COL13A1: variants seen among roughly 807,000 people sequenced by gnomAD.
COL13A1 encodes collagen type XIII alpha 1 chain, also known as collagen alpha-1(XIII) chain.
COL13A1 carries 89 observed loss-of-function variants against 130.9 expected under a neutral mutation model. That is an observed-to-expected ratio of 0.68 (90% CI 0.57 to 0.81). The LOEUF (loss-of-function observed/expected upper bound fraction) is 0.81, where lower values mean the gene tolerates loss of function less well. COL13A1 is among the 30% of genes least tolerant of loss of function. COL13A1 has a pLI of 0.00. For synonymous variants in COL13A1, 402 were observed against 341.6 expected, an observed-to-expected ratio of 1.18 and a Z score of -1.95; for missense variants, 879 against 934.6, an observed-to-expected ratio of 0.94 and a Z score of 0.78.
chr10:69,810,346 A>AAG (rs1564723791), intron 1 of COL13A1, among the ~76,000 whole-genome samples: 1,225 of 70,974 alleles, frequency 0.017, 17 homozygotes, highest in Admixed American at 0.064. Context: ...GGCCCTGAGA[A>AAG]TGAGAGAGAG....
chr10:69,920,882 C>T (rs557256531), intron 21 of COL13A1, among the ~76,000 whole-genome samples: 6 of 152,304 alleles, frequency 3.9e-5, no homozygotes, highest in Admixed American at 6.5e-5. Flanking sequence ...CCACCAGTCA[C>T]GTAACCTCTT....
At chr10:69,802,801 G>T in intron 1 of COL13A1, 84 bp downstream of exon 1, 1 of 1,548,580 alleles carries the variant, frequency 6.5e-7, no homozygotes, top group South Asian at 1.2e-5. Flanking sequence ...GGTGTCCGCG[G>T]GCGCTCGCTC....
Position 69,888,289 on chromosome 10 carries a change from C to T in COL13A1, c.550-15C>T, listed in dbSNP as rs753393306. ...TGTGATGCTCAGTCTTTACATCTGGCCTTTCTGGTTTCAGGGTCCCATTGG... is the reference window on the plus strand; with the variant it reads ...TGTGATGCTCAGTCTTTACATCTGGTCTTTCTGGTTTCAGGGTCCCATTGG... On this transcript the variant is annotated splice_polypyrimidine_tract_variant and intron_variant, in intron 8 of 40. Coordinates refer to ENST00000645393, the MANE Select transcript of COL13A1 (RefSeq NM_001368882.1). 1 of 1,612,726 alleles carries T rather than the reference C, an allele frequency of 6.2e-7. No homozygotes were observed. The highest frequency in any genetic ancestry group is 1.3e-5 in the African/African-American group (1 of 75,036).
At chr10:69,937,600 C>T in intron 33 of COL13A1, 35 bp from the exon 34 acceptor site, 1 of 975,306 alleles carries the variant, frequency 1.0e-6, no homozygotes, top group East Asian at 2.4e-5. Flanking sequence ...GGGACATGTC[C>T]TTGTGTGATC....
intron 17 of COL13A1, among the ~76,000 whole-genome samples, chr10:69,911,155 C>A (rs1589456755): frequency 6.6e-6 from 1 of 152,184 alleles, no homozygotes; most frequent in African/African-American, 2.4e-5. Context: ...CCCACCCACC[C>A]AGCCATCTCA....
intron 2 of COL13A1, among the ~76,000 whole-genome samples, chr10:69,828,981 G>A (rs1197599613): frequency 6.6e-6 from 1 of 152,106 alleles, no homozygotes; most frequent in East Asian, 1.9e-4. Context: ...GCCAGGGAGA[G>A]CCTTCCCACC....
intron 7 of COL13A1, among the ~76,000 whole-genome samples, chr10:69,883,634 A>G (rs931760379): frequency 1.3e-5 from 2 of 152,196 alleles, no homozygotes; most frequent in Non-Finnish European, 2.9e-5. Context: ...AGGAGGAGGA[A>G]CCAGCCTTGT....
chr10:69,922,687 A>G (rs2064836826), intron 22 of COL13A1, 21 bp from the exon 23 acceptor site: 1 of 1,585,066 alleles, frequency 6.3e-7, no homozygotes, highest in African/African-American at 1.3e-5. Flanking sequence ...CAGGGATGCT[A>G]ACTCCACCTT....
chr10:69,936,690 G>A (rs2066963716), intron 32 of COL13A1, 66 bp from the exon 33 acceptor site: 1 of 1,591,092 alleles, frequency 6.3e-7, no homozygotes, highest in African/African-American at 1.3e-5. Flanking sequence ...TGATCCATTT[G>A]TGGACTAGGC....
chr10:69,845,564 A>T (rs986340494), intron 2 of COL13A1, among the ~76,000 whole-genome samples: 5 of 151,340 alleles, frequency 3.3e-5, no homozygotes, highest in Admixed American at 6.6e-5. Flanking sequence ...TCCCCAACCC[A>T]CTAGCCTGTG....
intron 2 of COL13A1, among the ~76,000 whole-genome samples, chr10:69,864,441 T>C (rs530298157): frequency 1.3e-3 from 202 of 152,340 alleles, no homozygotes; most frequent in Non-Finnish European, 2.1e-3. Flanking sequence ...TAGGAAACTG[T>C]TGGCTTCTCA....
intron 2 of COL13A1, among the ~76,000 whole-genome samples, chr10:69,850,078 C>A (rs1351068075): frequency 6.6e-6 from 1 of 152,134 alleles, no homozygotes; most frequent in Admixed American, 6.5e-5. Context: ...ATAAAACTCC[C>A]ACTGGGTGAG....
intron 2 of COL13A1, among the ~76,000 whole-genome samples, chr10:69,825,187 T>C (rs1847176674): frequency 6.6e-6 from 1 of 152,176 alleles, no homozygotes; most frequent in South Asian, 2.1e-4. Flanking sequence ...ATACTAAAAG[T>C]AGGTAGAAGG....
chr10:69,910,954 C>T (rs1013903278), intron 17 of COL13A1, among the ~76,000 whole-genome samples: 1 of 152,330 alleles, frequency 6.6e-6, no homozygotes, highest in Middle Eastern at 3.4e-3. Context: ...AACACACATT[C>T]CCCTCTTTCA....
At chr10:69,895,744 G>A (rs371015855) in intron 13 of COL13A1, among the ~76,000 whole-genome samples, 168 bp downstream of exon 13, 4 of 152,286 alleles carry the variant, frequency 2.6e-5, no homozygotes, top group Non-Finnish European at 5.9e-5. Context: ...TTGGGATGGT[G>A]GTGCGTCTGG....
intron 13 of COL13A1, chr10:69,897,374 G>A (rs534779420): frequency 4.0e-6 from 5 of 1,235,558 alleles, no homozygotes; most frequent in Admixed American, 2.1e-5. Context: ...CCCAGGGAGG[G>A]AGAGGAGAGG....
chr10:69,869,007 G>C (rs2058798583), intron 3 of COL13A1, among the ~76,000 whole-genome samples: 1 of 151,640 alleles, frequency 6.6e-6, no homozygotes, highest in South Asian at 2.1e-4. Context: ...CCTGCCTTGG[G>C]GCCTCCTGCA....
At chr10:69,918,991 A>G in intron 19 of COL13A1, 71 bp from the exon 20 acceptor site, 1 of 1,599,858 alleles carries the variant, frequency 6.3e-7, no homozygotes, top group Non-Finnish European at 8.6e-7. Flanking sequence ...CCCCACCTCC[A>G]CCAACAGGTG....
At chr10:69,876,126 C>T (rs757403165) in intron 5 of COL13A1, among the ~76,000 whole-genome samples, 5 of 152,210 alleles carry the variant, frequency 3.3e-5, no homozygotes, top group Non-Finnish European at 5.9e-5. Flanking sequence ...TGGCGTTGTG[C>T]TAAGAGCCTT....
Sources: allele counts gnomAD v4.1 joint callset (sites outside exome capture counted in the v4.1 genomes callset), GRCh38; gene constraint gnomAD v4.1.1; transcripts MANE v1.5; gene names NCBI Gene and HGNC (gene_info 2026-07-23, HGNC 2026-07-21).